The following TMEM132B variants were observed in gnomAD, a reference collection of about 807,000 sequenced individuals.
TMEM132B encodes the protein transmembrane protein 132B.
TMEM132B carries 18 observed loss-of-function variants against 90.8 expected under a neutral mutation model. That is an observed-to-expected ratio of 0.20 (90% CI 0.14 to 0.29). The LOEUF (loss-of-function observed/expected upper bound fraction) is 0.29. TMEM132B is among the 10% of genes least tolerant of loss of function. The pLI is 1.00. For synonymous variants in TMEM132B, 504 were observed against 523.3 expected (o/e 0.96, Z 0.50); for missense variants, 1,096 against 1,326.8 (o/e 0.83, Z 2.70).
intron 5 of TMEM132B, among the ~76,000 whole-genome samples, chr12:125,602,645 A>T (rs556845934): frequency 2.0e-5 from 3 of 152,364 alleles, no homozygotes; most frequent in South Asian, 2.1e-4. Context: ...AATAAAGCGT[A>T]TTCAAATAGG....
intron 5 of TMEM132B, among the ~76,000 whole-genome samples, chr12:125,600,647 G>T (rs1156635586): frequency 6.6e-6 from 1 of 152,114 alleles, no homozygotes; most frequent in Non-Finnish European, 1.5e-5. Context: ...TGCCCACTTT[G>T]TTCAATGTAA....
At chr12:125,419,371 T>A (rs1364451379) in intron 3 of TMEM132B, among the ~76,000 whole-genome samples, 1 of 152,170 alleles carries the variant, frequency 6.6e-6, no homozygotes. Flanking sequence ...TGGGGAGGCC[T>A]CACAATCATG....
At chr12:125,212,952 A>G (rs867235627) in intron 1 of TMEM132B, among the ~76,000 whole-genome samples, 19 of 152,064 alleles carry the variant, frequency 1.2e-4, no homozygotes, top group Admixed American at 7.2e-4. Flanking sequence ...ACAACACACA[A>G]CCATTTTAAA....
chr12:125,584,095 T>A, intron 5 of TMEM132B, 101 bp downstream of exon 5: 1 of 1,549,930 alleles, frequency 6.5e-7, no homozygotes, highest in Non-Finnish European at 8.9e-7. Flanking sequence ...TCCCATGCTC[T>A]AAAGGGCTGG....
At chr12:125,427,393 T>G (rs1032252085) in intron 3 of TMEM132B, among the ~76,000 whole-genome samples, 5 of 152,182 alleles carry the variant, frequency 3.3e-5, no homozygotes, top group African/African-American at 1.2e-4. Context: ...TCAGAGATGT[T>G]AAGAGCCCAT....
chr12:125,285,317 A>G lies in TMEM132B; in HGVS notation c.68-64135A>G, dbSNP rs151236780. ...GAGTGAAGATTTCCTGGCTAGCACT[A>G]ATGTTAGCTACAATGGTAGATAGAG... On this transcript the variant is annotated intron_variant, in intron 1 of 8. Transcript: ENST00000682704. 1.7e-3 allele frequency among the ~76,000 whole-genome samples: 259 copies of G among 152,316 alleles called. 1 individual carries two copies. Among genetic ancestry groups the G allele is most frequent in the African/African-American group, 6.0e-3 (250 of 41,576 alleles).
intron 1 of TMEM132B, among the ~76,000 whole-genome samples, chr12:125,316,136 T>C (rs983016008): frequency 2.0e-5 from 3 of 152,160 alleles, no homozygotes; most frequent in Non-Finnish European, 2.9e-5. Flanking sequence ...TCCTCTTCTG[T>C]CTTTAGGTGT....
chr12:125,316,174 A>C (rs567057431), intron 1 of TMEM132B, among the ~76,000 whole-genome samples: 1 of 152,336 alleles, frequency 6.6e-6, no homozygotes, highest in East Asian at 1.9e-4. Context: ...ACAGATCCAT[A>C]TCTGCCTCCC....
chr12:125,637,315 G>A (rs1566096743), intron 5 of TMEM132B, among the ~76,000 whole-genome samples: 1 of 152,156 alleles, frequency 6.6e-6, no homozygotes, highest in Non-Finnish European at 1.5e-5. Context: ...CATAGAGAGC[G>A]GATCGGAGAT....
chr12:125,240,283 G>A (rs1238998748), intron 1 of TMEM132B, among the ~76,000 whole-genome samples: 1 of 152,144 alleles, frequency 6.6e-6, no homozygotes, highest in Non-Finnish European at 1.5e-5. Flanking sequence ...GGCTGGTTTT[G>A]GCCCAAGTCC....
intron 3 of TMEM132B, among the ~76,000 whole-genome samples, chr12:125,518,402 C>A (rs933471356): frequency 6.6e-6 from 1 of 152,186 alleles, no homozygotes; most frequent in Non-Finnish European, 1.5e-5. Flanking sequence ...TCTCAGCCTA[C>A]ATTGGTCCTA....
rs141760787 is a variant in TMEM132B at position 125,269,546 on chromosome 12, G to A, written c.68-79906G>A. On this transcript the variant is annotated intron_variant, in intron 1 of 8. Coordinates refer to ENST00000682704, the MANE Select transcript of TMEM132B (RefSeq NM_001366854.1). ...TTGTCAAGGGAGCTTGGGAGAGGAT[G>A]TACTGTGTTCTCACCCAGGATGAAT... 4.6e-3 allele frequency among the ~76,000 whole-genome samples: 704 copies of A among 152,302 alleles called. 5 individuals carry two copies. The highest frequency in any genetic ancestry group is 8.1e-3 in the Non-Finnish European group (550 of 68,030).
intron 1 of TMEM132B, among the ~76,000 whole-genome samples, chr12:125,248,441 A>AG (rs1238864565): frequency 1.3e-5 from 2 of 152,140 alleles, no homozygotes; most frequent in Non-Finnish European, 2.9e-5. Flanking sequence ...ATAGGTTACC[A>AG]GGGGGCATCA....
intron 5 of TMEM132B, chr12:125,584,885 G>C (rs990241699): frequency 6.6e-6 from 1 of 152,136 alleles, no homozygotes; most frequent in African/African-American, 2.4e-5. Context: ...ATTATTAAGA[G>C]AGCCCCAAAG....
chr12:125,425,153 C>T (rs1023735236), intron 3 of TMEM132B, among the ~76,000 whole-genome samples: 6 of 152,214 alleles, frequency 3.9e-5, no homozygotes, highest in African/African-American at 7.2e-5. Context: ...TGCAGTGCCC[C>T]GTTGCTGGCC....
chr12:125,458,269 A>G lies in TMEM132B; in HGVS notation c.1106+42592A>G, dbSNP rs1164071884. On this transcript the variant is annotated intron_variant, in intron 3 of 8. Transcript: ENST00000682704. The surrounding 1 kb of genome is among the most constrained non-coding windows in gnomAD (Gnocchi z 4.9). Reference sequence around the variant, plus strand: ...GGATGGAGCCTGGGACACAAGTCCTAGTCATGTGCGTTTATTATAAAGTGC... The same window carrying G: ...GGATGGAGCCTGGGACACAAGTCCTGGTCATGTGCGTTTATTATAAAGTGC... Among the ~76,000 whole-genome samples, 1 of 152,054 alleles carries G rather than the reference A, an allele frequency of 6.6e-6. No individual in the cohort carries two copies. The highest frequency in any genetic ancestry group is 1.5e-5 in the Non-Finnish European group (1 of 67,988).
chr12:125,411,977 T>C (rs1367328353), intron 2 of TMEM132B, among the ~76,000 whole-genome samples: 1 of 152,136 alleles, frequency 6.6e-6, no homozygotes, highest in East Asian at 1.9e-4. Flanking sequence ...TGGACCTGTT[T>C]AGGACCAGCA....
chr12:125,541,135 G>A (rs1371815388), intron 4 of TMEM132B, among the ~76,000 whole-genome samples: 1 of 152,160 alleles, frequency 6.6e-6, no homozygotes, highest in Admixed American at 6.5e-5. Context: ...TGGAGAGAAC[G>A]ACCAACTCCT....
chr12:125,586,188 G>C (rs1018622050), intron 5 of TMEM132B: 2 of 152,158 alleles, frequency 1.3e-5, no homozygotes, highest in Admixed American at 1.3e-4. Context: ...ATGATTTTTA[G>C]GGAGAGTCTT....
Sources: gnomAD v4.1 joint callset for allele counts (sites outside exome capture counted in the v4.1 genomes callset) on GRCh38, gnomAD v4.1.1 for gene constraint, Gnocchi (gnomAD v3.1) non-coding constraint, MANE v1.5 for transcripts, NCBI Gene and HGNC (gene_info 2026-07-23, HGNC 2026-07-21) for gene names.